The following CA10 variants were observed in gnomAD, a reference collection of about 807,000 sequenced individuals.
The protein encoded by CA10 is carbonic anhydrase 10 (inactive).
A neutral mutation model predicts 44.2 loss-of-function variants in CA10; 14 were observed. That is an observed-to-expected ratio of 0.32 (90% CI 0.21 to 0.50). The LOEUF (loss-of-function observed/expected upper bound fraction) is 0.50. CA10 is among the 20% of genes least tolerant of loss of function. The probability of loss-of-function intolerance (pLI) is 0.99; values close to 1 mark genes in which losing one functional copy is unlikely to be tolerated. For missense variants in CA10, 350 were observed against 409.7 expected (o/e 0.85, Z 1.26); for synonymous variants, 159 against 141.6 (o/e 1.12, Z -0.87).
chr17:51,956,187 A>G (rs1567899047), intron 2 of CA10, among the ~76,000 whole-genome samples: 1 of 151,982 alleles, frequency 6.6e-6, no homozygotes. Flanking sequence ...TTTTAAAGAT[A>G]TAAAACAATA....
At chr17:51,847,753 T>G (rs936764236) in intron 3 of CA10, among the ~76,000 whole-genome samples, 1 of 152,174 alleles carries the variant, frequency 6.6e-6, no homozygotes, top group African/African-American at 2.4e-5. Flanking sequence ...CATGGGTCTC[T>G]GTAACCAAAG....
intron 3 of CA10, among the ~76,000 whole-genome samples, chr17:51,839,532 AACT>A (rs2143801313): frequency 6.8e-6 from 1 of 146,758 alleles, no homozygotes; most frequent in African/African-American, 2.6e-5. Flanking sequence ...AAAAAAAAGG[AACT>A]ACTTTGTAGA....
At chr17:51,824,960 A>T (rs994491994) in intron 3 of CA10, among the ~76,000 whole-genome samples, 2 of 152,224 alleles carry the variant, frequency 1.3e-5, no homozygotes, top group African/African-American at 4.8e-5. Flanking sequence ...GTTTGTTAGT[A>T]CCACTGTCTA....
intron 4 of CA10, among the ~76,000 whole-genome samples, chr17:51,678,352 C>T (rs1004634896): frequency 6.6e-5 from 10 of 152,044 alleles, no homozygotes; most frequent in African/African-American, 2.2e-4. Context: ...AAAATGGTTA[C>T]TTTTATACTG....
rs982191933 is a variant in CA10, at chr17:51,919,409, C to T, written c.279+11581G>A. ...CTTGGGTGTGTGTGACTGTTTCTGC[C>T]GCTGTCCAGGAGATCTACCAGTCTT... On this transcript the variant is annotated intron_variant, in intron 3 of 8. Coordinates refer to ENST00000451037, the MANE Select transcript of CA10 (RefSeq NM_020178.5). Among the ~76,000 whole-genome samples the T allele has an allele frequency of 1.5e-4, 23 of 152,046 alleles. No homozygotes were observed. The South Asian group carries it at 2.1e-3, about 14-fold the overall frequency.
chr17:51,688,986 T>C (rs1392117235), intron 4 of CA10, among the ~76,000 whole-genome samples: 7 of 152,196 alleles, frequency 4.6e-5, no homozygotes, highest in Non-Finnish European at 8.8e-5. Context: ...TCTATTTTTA[T>C]CTCTATTTTA....
intron 1 of CA10, among the ~76,000 whole-genome samples, chr17:52,102,875 A>G (rs1330812204): frequency 6.6e-6 from 1 of 152,222 alleles, no homozygotes; most frequent in Non-Finnish European, 1.5e-5. Context: ...CAAAAGGTCC[A>G]AAATTCATGT....
chr17:52,098,361 G>A (rs1287762460), intron 1 of CA10, among the ~76,000 whole-genome samples: 2 of 152,202 alleles, frequency 1.3e-5, no homozygotes, highest in South Asian at 2.1e-4. Flanking sequence ...CTGAGATTCT[G>A]TATTTCTAAC....
intron 1 of CA10, among the ~76,000 whole-genome samples, chr17:52,088,527 T>A (rs956024264): frequency 1.3e-5 from 2 of 152,130 alleles, no homozygotes; most frequent in Non-Finnish European, 2.9e-5. Flanking sequence ...ATTATTCACC[T>A]CCAGCACTCT....
At chr17:51,787,503 T>A (rs1906337334) in intron 3 of CA10, among the ~76,000 whole-genome samples, 1 of 152,082 alleles carries the variant, frequency 6.6e-6, no homozygotes, top group Non-Finnish European at 1.5e-5. Context: ...TTTTCCTTTT[T>A]TTTTTTGAGA....
At chr17:51,983,006 G>A (rs189897457) in intron 2 of CA10, among the ~76,000 whole-genome samples, 1 of 151,770 alleles carries the variant, frequency 6.6e-6, no homozygotes, top group Non-Finnish European at 1.5e-5. Flanking sequence ...TTTTTCTCGA[G>A]TTTTCCTCTA....
chr17:51,748,364 G>T (rs1299076614), intron 3 of CA10: 3 of 418,812 alleles, frequency 7.2e-6, no homozygotes, highest in African/African-American at 2.2e-5. Flanking sequence ...TAGCTTGTGG[G>T]CCTCAAGTGG....
At chr17:51,662,244 C>A (rs1444503711) in intron 4 of CA10, among the ~76,000 whole-genome samples, 2 of 152,156 alleles carry the variant, frequency 1.3e-5, no homozygotes, top group Non-Finnish European at 2.9e-5. Flanking sequence ...GAGCTGAATT[C>A]TAGTCAACGT....
At chr17:51,797,870 A>AAAAAAAAAC in intron 3 of CA10, among the ~76,000 whole-genome samples, 1 of 151,478 alleles carries the variant, frequency 6.6e-6, no homozygotes, top group Non-Finnish European at 1.5e-5. Context: ...AAAAAAAAAA[A>AAAAAAAAAC]AAAAAGAACG....
intron 4 of CA10, among the ~76,000 whole-genome samples, chr17:51,679,620 C>T (rs996616933): frequency 1.3e-4 from 20 of 150,712 alleles, no homozygotes; most frequent in East Asian, 2.0e-4. Context: ...AGTGCAGTGG[C>T]GCAATCTCAG....
intron 3 of CA10, among the ~76,000 whole-genome samples, chr17:51,806,521 T>C (rs962486265): frequency 2.6e-5 from 4 of 152,134 alleles, no homozygotes; most frequent in South Asian, 4.1e-4. Context: ...AATAAACAAA[T>C]AAAAATGAGA....
At position 51,752,229 on chromosome 17, in the gene CA10, C is replaced by T. The variant is rs141522880; in HGVS notation, c.280-4411G>A. Among the ~76,000 whole-genome samples the T allele has an allele frequency of 4.0e-5, 6 of 151,416 alleles. No homozygotes were observed. In the East Asian group the frequency reaches 1.2e-3, roughly 29 times the overall value. ...ACGTTATGTATGATATCTGAGGGTA[C>T]ATCTGCACCGCAGTAATTAACATTG... On this transcript the variant is annotated intron_variant, in intron 3 of 8. Transcript: ENST00000451037.
rs1316492447 is a variant in CA10, at chr17:51,686,538, C to T, written c.466-32802G>A. On this transcript the variant is annotated intron_variant, in intron 4 of 8. Coordinates refer to ENST00000451037, the MANE Select transcript of CA10 (RefSeq NM_020178.5). The stretch of plus-strand genomic sequence containing the variant: ...CTCAAAGTTTTCTATGTATTAGAAT[C>T]ACCTTGAGGATATTAAAAAAAATCT... Among the ~76,000 whole-genome samples the T allele has an allele frequency of 2.0e-5, 3 of 152,192 alleles. No individual in the cohort carries two copies. The East Asian group carries it at 5.8e-4, about 29-fold the overall frequency.
intron 2 of CA10, among the ~76,000 whole-genome samples, chr17:51,977,927 T>C (rs1257839661): frequency 1.3e-5 from 2 of 152,100 alleles, no homozygotes; most frequent in Admixed American, 1.3e-4. Flanking sequence ...TCATTCAAAA[T>C]ATTCAAATCA....
Sources: gnomAD v4.1 joint callset for allele counts (sites outside exome capture counted in the v4.1 genomes callset) on GRCh38, gnomAD v4.1.1 for gene constraint, MANE v1.5 for transcripts, NCBI Gene and HGNC (gene_info 2026-07-23, HGNC 2026-07-21) for gene names.